YEATS2: variants seen among roughly 807,000 people sequenced by gnomAD.
YEATS2 encodes the protein YEATS domain containing 2, also known as YEATS domain-containing protein 2.
A neutral mutation model predicts 163.2 loss-of-function variants in YEATS2; 77 were observed. The observed-to-expected ratio is 0.47, with a 90% CI of 0.39 to 0.57. YEATS2 has a LOEUF of 0.57. Among genes scored for constraint, YEATS2 ranks in the 20% least tolerant of loss-of-function variants. The probability of loss-of-function intolerance (pLI) is 0.00; values close to 1 mark genes in which losing one functional copy is unlikely to be tolerated. For missense variants in YEATS2, 1,549 were observed against 1,729.8 expected (o/e 0.90, Z 1.85); for synonymous variants, 631 against 645.1 (o/e 0.98, Z 0.33).
At chr3:183,798,745 A>G (rs1291027097) in intron 22 of YEATS2, 146 bp from the exon 23 acceptor site, 1 of 645,684 alleles carries the variant, frequency 1.5e-6, no homozygotes. Context: ...ATCGCCCACT[A>G]TTAAAAAGGG....
At chr3:183,807,721 C>A in intron 28 of YEATS2, 1 of 286,368 alleles carries the variant, frequency 3.5e-6, no homozygotes, top group Non-Finnish European at 6.6e-6. Context: ...GATTCCAGAC[C>A]TTTCAAAGTG....
intron 25 of YEATS2, chr3:183,802,421 GTA>G (rs1490487101): frequency 6.6e-6 from 1 of 152,160 alleles, no homozygotes; most frequent in Non-Finnish European, 1.5e-5. Context: ...GTCTCTCAGA[GTA>G]AACTTTTGGT....
intron 19 of YEATS2, among the ~76,000 whole-genome samples, chr3:183,778,334 T>C (rs1387669710): frequency 2.0e-5 from 3 of 152,116 alleles, no homozygotes; most frequent in African/African-American, 7.2e-5. Context: ...AGTTTTAAAG[T>C]CACACTATTT....
chr3:183,792,852 C>A (rs558002998), intron 21 of YEATS2, among the ~76,000 whole-genome samples: 1 of 152,236 alleles, frequency 6.6e-6, no homozygotes, highest in South Asian at 2.1e-4. Flanking sequence ...ACAATTTGAC[C>A]TCCATTGACA....
chr3:183,703,786 G>C (rs1320809772), intron 1 of YEATS2, among the ~76,000 whole-genome samples: 2 of 152,064 alleles, frequency 1.3e-5, no homozygotes, highest in African/African-American at 2.4e-5. Context: ...GGGTGAAGCT[G>C]CTGCCGTATT....
chr3:183,732,317 G>A (rs844210), intron 7 of YEATS2, among the ~76,000 whole-genome samples: 61,175 of 151,110 alleles, frequency 0.4, 13,016 homozygotes, highest in East Asian at 0.65. Flanking sequence ...GCCATGCCCG[G>A]TGGCGTGTGC....
chr3:183,714,099 G>T (rs186412347), intron 1 of YEATS2, among the ~76,000 whole-genome samples: 1 of 151,844 alleles, frequency 6.6e-6, no homozygotes, highest in African/African-American at 2.4e-5. Flanking sequence ...GACCACACCC[G>T]GCCCATAATT....
intron 27 of YEATS2, among the ~76,000 whole-genome samples, chr3:183,805,601 C>A (rs2108531041): frequency 6.6e-6 from 1 of 152,110 alleles, no homozygotes. Context: ...CCAGCCTGGA[C>A]AACACGGTGA....
At chr3:183,801,744 T>C (rs1725683074) in intron 25 of YEATS2, 2 of 443,114 alleles carry the variant, frequency 4.5e-6, no homozygotes, top group Non-Finnish European at 8.1e-6. Context: ...AGAAGGAATG[T>C]TTTACATTTT....
rs115608522 is a variant in YEATS2, at chr3:183,728,994, C to T, written c.812+143C>T. ...TCTTAGTCAAAATGTAGTTGGAGGC[C>T]GGGTGGGGTGGCTCACACCTATAAT... On this transcript the variant is annotated intron_variant, in intron 7 of 30. Coordinates refer to ENST00000305135, the MANE Select transcript of YEATS2 (RefSeq NM_018023.5). 8.7e-3 allele frequency: 8,286 copies of T among 957,110 alleles called. 511 individuals are homozygous for T. The African/African-American group carries it at 0.12, about 14-fold the overall frequency. 59.3% of individuals were successfully genotyped at this position (957,110 alleles called of 1,614,324 possible).
chr3:183,736,636 T>G, intron 7 of YEATS2, 82 bp from the exon 8 acceptor site: 1 of 915,696 alleles, frequency 1.1e-6, no homozygotes, highest in Non-Finnish European at 1.6e-6. Context: ...GAATTTCTGA[T>G]TTATGCATTA....
At chr3:183,790,444 A>G (rs191737939) in intron 20 of YEATS2, among the ~76,000 whole-genome samples, 8 of 152,284 alleles carry the variant, frequency 5.3e-5, no homozygotes. Context: ...TGTTCTTAAT[A>G]AAGCTCATTT....
chr3:183,759,009 C>G, intron 13 of YEATS2, 44 bp downstream of exon 13: 1 of 1,309,412 alleles, frequency 7.6e-7, no homozygotes, highest in Non-Finnish European at 1.1e-6. Context: ...GCTTCTTTTT[C>G]TTTTCATTTT....
At chr3:183,716,327 T>C (rs1250803354) in intron 2 of YEATS2, among the ~76,000 whole-genome samples, 1 of 152,194 alleles carries the variant, frequency 6.6e-6, no homozygotes, top group Non-Finnish European at 1.5e-5. Context: ...ATAATCTACC[T>C]AAGTTAATAC....
intron 8 of YEATS2, among the ~76,000 whole-genome samples, chr3:183,746,857 C>G (rs997376445): frequency 9.2e-5 from 14 of 152,000 alleles, no homozygotes; most frequent in Non-Finnish European, 1.8e-4. Context: ...CTCTCATAAG[C>G]CTTTAAAACC....
chr3:183,699,274 AAG>A (rs1713813100), intron 1 of YEATS2, among the ~76,000 whole-genome samples: 1 of 151,954 alleles, frequency 6.6e-6, no homozygotes, highest in East Asian at 1.9e-4. Flanking sequence ...TGAAGAATGG[AAG>A]AGAGAAATTT....
At chr3:183,738,535 A>T (rs1718602007) in intron 8 of YEATS2, among the ~76,000 whole-genome samples, 1 of 130,008 alleles carries the variant, frequency 7.7e-6, no homozygotes. Flanking sequence ...TATATCTCCC[A>T]ATGCTATCCC....
intron 1 of YEATS2, among the ~76,000 whole-genome samples, chr3:183,709,070 G>T (rs1412311659): frequency 6.6e-6 from 1 of 152,002 alleles, no homozygotes; most frequent in Non-Finnish European, 1.5e-5. Context: ...TGAGGCAGGA[G>T]AATAGCTTGA....
chr3:183,707,864 C>T (rs1474999605), intron 1 of YEATS2, among the ~76,000 whole-genome samples: 4 of 151,546 alleles, frequency 2.6e-5, no homozygotes, highest in African/African-American at 7.3e-5. Flanking sequence ...TTGGTAGAGA[C>T]GGGGTTTCAC....
Sources: gnomAD v4.1 joint callset for allele counts (sites outside exome capture counted in the v4.1 genomes callset) on GRCh38, gnomAD v4.1.1 for gene constraint, MANE v1.5 for transcripts, NCBI Gene and HGNC (gene_info 2026-07-23, HGNC 2026-07-21) for gene names.